DPH6: variants seen among roughly 807,000 people sequenced by gnomAD.
DPH6 encodes diphthine--ammonia ligase.
DPH6 carries 33 observed loss-of-function variants against 38.2 expected under a neutral mutation model. The ratio of observed to expected loss-of-function variants is 0.86; its 90% confidence interval spans 0.65 to 1.15. DPH6 has a LOEUF of 1.15. DPH6 is among the 50% of genes most tolerant of loss of function. The probability of loss-of-function intolerance (pLI) is 0.00; values close to 1 mark genes in which losing one functional copy is unlikely to be tolerated. For missense variants in DPH6, 325 were observed against 320.0 expected (o/e 1.02, Z -0.12); for synonymous variants, 108 against 103.0 (o/e 1.05, Z -0.30).
chr15:35,328,054 AC>A (rs1452481042), downstream of DPH6, among the ~76,000 whole-genome samples: 6 of 152,084 alleles, frequency 3.9e-5, no homozygotes, highest in Admixed American at 3.9e-4. Flanking sequence ...ACTCATCTTC[AC>A]TGCAACATGA....
intron 3 of DPH6, among the ~76,000 whole-genome samples, chr15:35,271,726 T>C (rs1325512975): frequency 3.3e-5 from 5 of 152,182 alleles, no homozygotes; most frequent in African/African-American, 4.8e-5. Context: ...ATGGAATCTC[T>C]GGGGCTGAGG....
chr15:35,312,465 G>A (rs184511339), intron 3 of DPH6, among the ~76,000 whole-genome samples: 4 of 152,278 alleles, frequency 2.6e-5, no homozygotes, highest in African/African-American at 9.6e-5. Flanking sequence ...AGATAAACAA[G>A]AGGCAGGCTG....
intron 3 of DPH6, among the ~76,000 whole-genome samples, chr15:35,336,227 A>G (rs1002622438): frequency 6.6e-6 from 1 of 151,924 alleles, no homozygotes; most frequent in Non-Finnish European, 1.5e-5. Context: ...ACACTGCTAG[A>G]TTGGGGAAGT....
chr15:35,176,800 T>C, the DPH6 span, among the ~76,000 whole-genome samples: 1 of 152,210 alleles, frequency 6.6e-6, no homozygotes, highest in Non-Finnish European at 1.5e-5. Flanking sequence ...TCTATTGTCA[T>C]TTGGATTATT....
chr15:35,162,672 T>G, the DPH6 span, among the ~76,000 whole-genome samples: 1 of 151,880 alleles, frequency 6.6e-6, no homozygotes, highest in Non-Finnish European at 1.5e-5. Flanking sequence ...ATAATTTTTT[T>G]AATCAACTCT....
intron 5 of DPH6, among the ~76,000 whole-genome samples, chr15:35,419,680 G>T (rs970005056): frequency 6.6e-6 from 1 of 152,048 alleles, no homozygotes; most frequent in Non-Finnish European, 1.5e-5. Context: ...GTTTTAGGTC[G>T]AAAACTGTAA....
chr15:35,482,815 G>T (rs374318278), intron 3 of DPH6, among the ~76,000 whole-genome samples: 33 of 151,784 alleles, frequency 2.2e-4, no homozygotes, highest in Middle Eastern at 3.4e-3. Context: ...AACCATAAAA[G>T]AAAAAAACGG....
At chr15:35,379,033 G>T (rs1179177767) in intron 7 of DPH6, among the ~76,000 whole-genome samples, 1 of 152,108 alleles carries the variant, frequency 6.6e-6, no homozygotes, top group Non-Finnish European at 1.5e-5. Flanking sequence ...TTCTCTCTTG[G>T]GACTTTAGAG....
intron 3 of DPH6, among the ~76,000 whole-genome samples, chr15:35,259,831 C>T (rs1028411542): frequency 2.6e-5 from 4 of 152,084 alleles, no homozygotes; most frequent in East Asian, 1.9e-4. Flanking sequence ...ATTTTCTGCC[C>T]GTAATATGTT....
chr15:35,405,812 A>C (rs572975080), intron 6 of DPH6, among the ~76,000 whole-genome samples: 1 of 152,224 alleles, frequency 6.6e-6, no homozygotes, highest in South Asian at 2.1e-4. Context: ...TTCCCCATTC[A>C]GTATGATACT....
chr15:35,390,374 T>G (rs1052277055), intron 6 of DPH6, among the ~76,000 whole-genome samples: 6 of 152,218 alleles, frequency 3.9e-5, no homozygotes, highest in African/African-American at 1.4e-4. Context: ...ATTTCCTTAA[T>G]TTGAATGTTG....
chr15:35,314,381 T>A (rs910924370), intron 3 of DPH6, among the ~76,000 whole-genome samples: 1 of 152,236 alleles, frequency 6.6e-6, no homozygotes, highest in Non-Finnish European at 1.5e-5. Context: ...ATTTTATGTT[T>A]ATTTTAGGCT....
chr15:35,197,863 A>C, the DPH6 span, among the ~76,000 whole-genome samples: 1 of 152,204 alleles, frequency 6.6e-6, no homozygotes. Flanking sequence ...ACAGTTATTA[A>C]GTCCCTAGGA....
chr15:35,500,569 C>T (rs1045917396), intron 3 of DPH6, among the ~76,000 whole-genome samples: 5 of 152,136 alleles, frequency 3.3e-5, no homozygotes, highest in African/African-American at 1.2e-4. Context: ...TTACCATATA[C>T]TTGTTGACAT....
intron 7 of DPH6, among the ~76,000 whole-genome samples, chr15:35,379,875 A>T (rs2052840884): frequency 6.6e-6 from 1 of 152,206 alleles, no homozygotes; most frequent in African/African-American, 2.4e-5. Flanking sequence ...CAAGCACTGG[A>T]GGCAATGGCA....
At chr15:35,242,586 A>AT (rs1255732293) in intron 3 of DPH6, among the ~76,000 whole-genome samples, 2 of 142,878 alleles carry the variant, frequency 1.4e-5, no homozygotes, top group South Asian at 2.4e-4. Flanking sequence ...TCAGCCAAGC[A>AT]TTTTTTCAGG....
At chr15:35,381,744 T>G in intron 7 of DPH6, 78 bp downstream of exon 7, 2 of 1,118,984 alleles carry the variant, frequency 1.8e-6, no homozygotes, top group Non-Finnish European at 2.7e-6. Context: ...CAACAAAAGT[T>G]GCCTCAAGCT....
chr15:35,296,210 A>T (rs2052013739), intron 3 of DPH6, among the ~76,000 whole-genome samples: 1 of 152,162 alleles, frequency 6.6e-6, no homozygotes, highest in African/African-American at 2.4e-5. Flanking sequence ...AAGTGCCAGG[A>T]TTACAGGTGT....
chr15:35,415,193 G>T (rs879618691), intron 5 of DPH6, among the ~76,000 whole-genome samples: 2 of 151,928 alleles, frequency 1.3e-5, no homozygotes, highest in Non-Finnish European at 2.9e-5. Context: ...AAAATCCAAA[G>T]CATGAATATA....
Sources: gnomAD v4.1 joint callset for allele counts (sites outside exome capture counted in the v4.1 genomes callset) on GRCh38, gnomAD v4.1.1 for gene constraint, MANE v1.5 for transcripts, NCBI Gene and HGNC (gene_info 2026-07-23, HGNC 2026-07-21) for gene names.